CTNNA2: variants seen among roughly 807,000 people sequenced by gnomAD.
The protein encoded by CTNNA2 is catenin alpha-2.
CTNNA2 carries 42 observed loss-of-function variants against 101.0 expected under a neutral mutation model. The ratio of observed to expected loss-of-function variants is 0.42; its 90% CI spans 0.32 to 0.54. CTNNA2 has a LOEUF of 0.54. Among genes scored for constraint, CTNNA2 ranks in the 20% least tolerant of loss-of-function variants. The pLI, the probability that CTNNA2 is intolerant of heterozygous loss-of-function variation, is 0.14. For synonymous variants in CTNNA2, 450 were observed against 456.4 expected, an observed-to-expected ratio of 0.99 and a Z score of 0.18; for missense variants, 871 against 1,223.1, an observed-to-expected ratio of 0.71 and a Z score of 4.29.
At chr2:79,921,669 T>A (rs1476446843) in intron 7 of CTNNA2, among the ~76,000 whole-genome samples, 1 of 152,240 alleles carries the variant, frequency 6.6e-6, no homozygotes, top group Non-Finnish European at 1.5e-5. Context: ...CCTCATGGAT[T>A]ATTCAGAAAT....
At chr2:79,799,993 G>A (rs1676032795) in intron 3 of CTNNA2, among the ~76,000 whole-genome samples, 1 of 152,096 alleles carries the variant, frequency 6.6e-6, no homozygotes, top group Admixed American at 6.6e-5. Context: ...GATCTGAAAG[G>A]CCAAGTGACT....
intron 8 of CTNNA2, among the ~76,000 whole-genome samples, chr2:80,409,553 C>G (rs1159417528): frequency 1.3e-5 from 2 of 152,052 alleles, no homozygotes; most frequent in Non-Finnish European, 2.9e-5. Flanking sequence ...TCTTCTGTAT[C>G]CCTGGCCAAA....
At chr2:79,509,335 A>C (rs1478667425), upstream of CTNNA2, among the ~76,000 whole-genome samples, 1 of 152,142 alleles carries the variant, frequency 6.6e-6, no homozygotes, top group South Asian at 2.1e-4. Flanking sequence ...ATCTTTATTC[A>C]TAATTGCCAA....
At chr2:80,561,145 T>C (rs553505519) in intron 12 of CTNNA2, among the ~76,000 whole-genome samples, 1 of 152,156 alleles carries the variant, frequency 6.6e-6, no homozygotes, top group South Asian at 2.1e-4. Context: ...GGCTGGAATA[T>C]GGGGGACTGG....
intron 2 of CTNNA2, among the ~76,000 whole-genome samples, chr2:79,672,804 G>A (rs1219139327): frequency 2.0e-5 from 3 of 150,414 alleles, no homozygotes; most frequent in Non-Finnish European, 4.4e-5. Flanking sequence ...CTGCCTCCCA[G>A]GTTCAAGTGA....
chr2:79,458,890 T>C (rs1670850972), intron 4 of CTNNA2, among the ~76,000 whole-genome samples: 1 of 152,094 alleles, frequency 6.6e-6, no homozygotes, highest in Non-Finnish European at 1.5e-5. Context: ...CTTATTCCCC[T>C]GCCATTTCTA....
intron 3 of CTNNA2, among the ~76,000 whole-genome samples, chr2:79,759,362 C>T (rs1672623098): frequency 6.6e-6 from 1 of 151,890 alleles, no homozygotes; most frequent in Non-Finnish European, 1.5e-5. Context: ...CACTGCACTC[C>T]AGCCTGGGTG....
chr2:80,490,761 G>A (rs115461378), intron 9 of CTNNA2, among the ~76,000 whole-genome samples: 93 of 152,174 alleles, frequency 6.1e-4, no homozygotes, highest in African/African-American at 2.1e-3. Flanking sequence ...ATAATTGGTC[G>A]CTGACAATTT....
chr2:79,202,694 T>C (rs993306492), intron 2 of CTNNA2, among the ~76,000 whole-genome samples: 1 of 152,106 alleles, frequency 6.6e-6, no homozygotes, highest in African/African-American at 2.4e-5. Context: ...AATGTTTCCA[T>C]ACATTTTGGG....
chr2:80,330,623 T>C (rs1671233895), intron 7 of CTNNA2, among the ~76,000 whole-genome samples: 1 of 152,140 alleles, frequency 6.6e-6, no homozygotes, highest in African/African-American at 2.4e-5. Flanking sequence ...AATTATCACA[T>C]AAAGTAATGA....
chr2:79,870,206 T>A (rs563884426), intron 5 of CTNNA2, among the ~76,000 whole-genome samples: 1 of 152,268 alleles, frequency 6.6e-6, no homozygotes, highest in Non-Finnish European at 1.5e-5. Flanking sequence ...TGATCTTCTA[T>A]CCACTGTAGG....
intron 2 of CTNNA2, among the ~76,000 whole-genome samples, chr2:79,267,729 G>T (rs1334929238): frequency 2.0e-5 from 3 of 152,100 alleles, no homozygotes; most frequent in Admixed American, 6.6e-5. Context: ...TGCTGAACTG[G>T]TGGTGGGGAC....
At chr2:80,533,273 G>A (rs981211429) in intron 9 of CTNNA2, among the ~76,000 whole-genome samples, 6 of 152,168 alleles carry the variant, frequency 3.9e-5, no homozygotes, top group African/African-American at 9.7e-5. Flanking sequence ...TCAGCAACAC[G>A]TGGATTTTGA....
intron 7 of CTNNA2, among the ~76,000 whole-genome samples, chr2:79,913,210 A>T (rs1028852760): frequency 3.3e-5 from 5 of 152,154 alleles, no homozygotes; most frequent in African/African-American, 9.7e-5. Flanking sequence ...GGTAGTACTG[A>T]AGTTAAGAAT....
At chr2:80,616,612 A>G (rs1698876406) in intron 17 of CTNNA2, 1 of 151,738 alleles carries the variant, frequency 6.6e-6, no homozygotes, top group Admixed American at 6.6e-5. Flanking sequence ...AGTCTTGACT[A>G]CTGAAATCTT....
At chr2:79,362,979 A>T (rs1011785741) in intron 3 of CTNNA2, among the ~76,000 whole-genome samples, 3 of 152,244 alleles carry the variant, frequency 2.0e-5, no homozygotes, top group Non-Finnish European at 4.4e-5. Context: ...GAATTTGTTA[A>T]TGACACAGTC....
chr2:79,922,498 G>C (rs1046921953), intron 7 of CTNNA2, among the ~76,000 whole-genome samples: 5 of 152,008 alleles, frequency 3.3e-5, no homozygotes, highest in African/African-American at 1.2e-4. Flanking sequence ...CTGATTCTCT[G>C]ACCTTCTCTT....
At chr2:79,580,396 A>G (rs907916995) in intron 1 of CTNNA2, among the ~76,000 whole-genome samples, 1 of 152,190 alleles carries the variant, frequency 6.6e-6, no homozygotes, top group African/African-American at 2.4e-5. Flanking sequence ...AATGACTCTT[A>G]GCTGACGGCC....
At chr2:80,513,193 A>G (rs1199210002) in intron 9 of CTNNA2, among the ~76,000 whole-genome samples, 1 of 152,206 alleles carries the variant, frequency 6.6e-6, no homozygotes. Context: ...ATTCATATGC[A>G]TAACTATTAA....
Sources: gnomAD v4.1 joint callset for allele counts (sites outside exome capture counted in the v4.1 genomes callset) on GRCh38, gnomAD v4.1.1 for gene constraint, MANE v1.5 for transcripts, NCBI Gene and HGNC (gene_info 2026-07-23, HGNC 2026-07-21) for gene names.